KPNA7: variants seen among roughly 807,000 people sequenced by gnomAD.
KPNA7 encodes the protein importin subunit alpha-8.
KPNA7 carries 54 observed loss-of-function variants against 53.7 expected under a neutral mutation model. The observed-to-expected ratio is 1.01, with a 90% CI of 0.81 to 1.26. The LOEUF (loss-of-function observed/expected upper bound fraction) is 1.26, where lower values mean the gene tolerates loss of function less well. Among genes scored for constraint, KPNA7 ranks in the 50% most tolerant of loss-of-function variants. The probability of loss-of-function intolerance (pLI) is 0.00; values close to 1 mark genes in which losing one functional copy is unlikely to be tolerated. For synonymous variants in KPNA7, 276 were observed against 259.3 expected (o/e 1.06, Z -0.62); for missense variants, 640 against 644.5 (o/e 0.99, Z 0.07).
Position 99,188,842 on chromosome 7 carries a change from C to T in KPNA7, c.637-279G>A, listed in dbSNP as rs1013350668. The stretch of plus-strand genomic sequence containing the variant: ...ACAGGTGCCCGCCACCACACACGCC[C>T]AGCTAATTTTTGTATTTTTAGTAGA... On this transcript the variant is annotated intron_variant, in intron 6 of 10. Coordinates refer to ENST00000327442, the MANE Select transcript of KPNA7 (RefSeq NM_001145715.3). Among the ~76,000 whole-genome samples, 3 of 152,036 alleles carry T rather than the reference C, an allele frequency of 2.0e-5. No homozygotes were observed. The South Asian group carries it at 6.2e-4, about 32-fold the overall frequency.
At chr7:99,205,407 T>C (rs1328179020) in intron 2 of KPNA7, among the ~76,000 whole-genome samples, 2 of 60,412 alleles carry the variant, frequency 3.3e-5, no homozygotes, top group Admixed American at 2.2e-4. Context: ...CAAGACTCCA[T>C]CTCAAAAAAA....
At chr7:99,156,717 G>T in the KPNA7 span, among the ~76,000 whole-genome samples, 2 of 151,886 alleles carry the variant, frequency 1.3e-5, no homozygotes, top group Non-Finnish European at 2.9e-5. Flanking sequence ...TAGAGACAGG[G>T]TTTCCTCATG....
intron 3 of KPNA7, among the ~76,000 whole-genome samples, chr7:99,197,981 A>G (rs897739571): frequency 3.3e-5 from 5 of 152,244 alleles, no homozygotes; most frequent in African/African-American, 9.6e-5. Context: ...GAAAAGTTCA[A>G]TGAGCTCCAA....
intron 7 of KPNA7, 105 bp downstream of exon 7, chr7:99,188,195 A>AG (rs1554465597): frequency 0.01 from 6,590 of 638,606 alleles, 49 homozygotes; most frequent in Non-Finnish European, 0.011. Context: ...AAAAAAAAAA[A>AG]AAAGCAAAGA....
At chr7:99,186,696 T>A (rs1449603215) in intron 7 of KPNA7, among the ~76,000 whole-genome samples, 1 of 151,832 alleles carries the variant, frequency 6.6e-6, no homozygotes, top group Non-Finnish European at 1.5e-5. Context: ...GGAGCCAAGA[T>A]TGTATCACCA....
chr7:99,176,140 T>C (rs1798890306), intron 10 of KPNA7, among the ~76,000 whole-genome samples: 1 of 150,902 alleles, frequency 6.6e-6, no homozygotes, highest in Non-Finnish European at 1.5e-5. Flanking sequence ...CTACTAAAAG[T>C]ACAAAAAATT....
chr7:99,215,479 C>A (rs1791194478), intron 1 of KPNA7, among the ~76,000 whole-genome samples: 1 of 151,400 alleles, frequency 6.6e-6, no homozygotes, highest in Non-Finnish European at 1.5e-5. Context: ...GAGACAGGGT[C>A]CTCCCCACTC....
chr7:99,150,708 G>A, the KPNA7 span, among the ~76,000 whole-genome samples: 180 of 152,198 alleles, frequency 1.2e-3, 1 homozygote, highest in South Asian at 2.7e-3. Flanking sequence ...GAGCCATCGC[G>A]CCCAGCCAGA....
chr7:99,192,455 C>G (rs1056551958), intron 6 of KPNA7, among the ~76,000 whole-genome samples: 4 of 152,182 alleles, frequency 2.6e-5, no homozygotes, highest in African/African-American at 9.7e-5. Flanking sequence ...ACCTGTCACC[C>G]AGGCTGGAGT....
At chr7:99,208,536 G>A (rs939070503), upstream of KPNA7, among the ~76,000 whole-genome samples, 8 of 150,360 alleles carry the variant, frequency 5.3e-5, no homozygotes, top group African/African-American at 1.2e-4. Context: ...GATTACAGGC[G>A]TGAGCCACCG....
chr7:99,214,278 CAAAAAAAAA>C lies in KPNA7; in HGVS notation c.-23-6798_-23-6790del, dbSNP rs112803395. On this transcript the variant is annotated intron_variant, in intron 1 of 10. Coordinates refer to the KPNA7 transcript ENST00000681060. ...AAACCCCGTCTCTACTAAAAATATA[CAAAAAAAAA>C]AAAAAATTAGCCAGGGATGGTGGCA... Among the ~76,000 whole-genome samples the C allele has an allele frequency of 6.5e-4, 73 of 111,482 alleles. 1 individual carries two copies. The highest frequency in any genetic ancestry group is 2.3e-3 in the African/African-American group (72 of 31,934). The allele number at this position is 111,482 out of a possible 152,430, so 73.1% of individuals were successfully genotyped here.
chr7:99,188,166 C>T (rs578253881), intron 7 of KPNA7, 134 bp downstream of exon 7: 16 of 805,194 alleles, frequency 2.0e-5, no homozygotes, highest in Middle Eastern at 3.9e-4. Context: ...CAGAGCAAGA[C>T]TCTGTCTCAA....
chr7:99,171,807 G>A (rs560334190), downstream of KPNA7, among the ~76,000 whole-genome samples: 4 of 152,228 alleles, frequency 2.6e-5, no homozygotes, highest in South Asian at 8.3e-4. Context: ...TGCAAACAGG[G>A]ACACTGACCC....
chr7:99,147,060 G>T, the KPNA7 span, among the ~76,000 whole-genome samples: 15 of 151,624 alleles, frequency 9.9e-5, no homozygotes, highest in Non-Finnish European at 1.3e-4. Context: ...TGCACAAAGG[G>T]GACCTTCCTA....
intron 2 of KPNA7, among the ~76,000 whole-genome samples, chr7:99,204,056 A>C (rs187742628): frequency 6.6e-6 from 1 of 152,020 alleles, no homozygotes; most frequent in Non-Finnish European, 1.5e-5. Flanking sequence ...TAAAGCCTTC[A>C]TCCCCAAGTC....
intron 1 of KPNA7, among the ~76,000 whole-genome samples, chr7:99,213,870 A>G (rs892208483): frequency 6.6e-6 from 1 of 152,070 alleles, no homozygotes; most frequent in Non-Finnish European, 1.5e-5. Context: ...CCACCTCTCA[A>G]ATCACTGGAA....
chr7:99,205,410 CAAAAAAAAAAAAA>C (rs61410237), intron 2 of KPNA7, among the ~76,000 whole-genome samples: 1 of 109,802 alleles, frequency 9.1e-6, no homozygotes, highest in Non-Finnish European at 1.7e-5. Context: ...GACTCCATCT[CAAAAAAAAAAAAA>C]AAAAAAAAAA....
In KPNA7 at chr7:99,195,158, C is replaced by T; in HGVS notation, c.465G>A (p.Gly155=). The T allele has an allele frequency of 6.4e-7, 1 of 1,551,604 alleles. No individual in the cohort carries two copies. Among genetic ancestry groups the T allele is most frequent in the South Asian group, 1.2e-5 (1 of 84,066 alleles). ...TSEQTRAVVE[G]GAIQPLIELL... Reference sequence around the variant, plus strand: ...GCTCAATCAAGGGCTGGATGGCTCCCCCTTCTACCACGGCACGAGTCTGCT... The same window carrying T: ...GCTCAATCAAGGGCTGGATGGCTCCTCCTTCTACCACGGCACGAGTCTGCT... Residue 155 remains glycine, a synonymous_variant, in exon 5 of 11, where the codon GGG becomes GGA. Coordinates refer to ENST00000327442, the MANE Select transcript of KPNA7 (RefSeq NM_001145715.3).
At chr7:99,150,818 C>T in the KPNA7 span, among the ~76,000 whole-genome samples, 2 of 152,142 alleles carry the variant, frequency 1.3e-5, no homozygotes, top group African/African-American at 2.4e-5. Flanking sequence ...ATTCTCTAGT[C>T]GTACAGTTGT....
Sources: allele counts gnomAD v4.1 joint callset (sites outside exome capture counted in the v4.1 genomes callset), GRCh38; gene constraint gnomAD v4.1.1; transcripts MANE v1.5; gene names NCBI Gene and HGNC (gene_info 2026-07-23, HGNC 2026-07-21).